KLF8: variants seen among roughly 807,000 people sequenced by gnomAD.
The protein encoded by KLF8 is Krueppel-like factor 8.
Under a neutral mutation model 18.2 loss-of-function variants are expected in KLF8, and 10 were observed. The ratio of observed to expected loss-of-function variants is 0.55; its 90% confidence interval spans 0.34 to 0.93. The LOEUF (loss-of-function observed/expected upper bound fraction) is 0.93, where lower values mean the gene tolerates loss of function less well. KLF8 is among the 40% of genes least tolerant of loss of function. KLF8 has a pLI of 0.02. For synonymous variants in KLF8, 109 were observed against 97.3 expected (o/e 1.12, Z -0.71); for missense variants, 264 against 277.9 (o/e 0.95, Z 0.36).
At chrX:56,012,041 C>A in the KLF8 span, among the ~76,000 whole-genome samples, 1 of 111,749 alleles carries the variant, frequency 8.9e-6, no homozygotes, top group Admixed American at 9.5e-5. Context: ...GGAGCTGGTA[C>A]CGTTTCTTCT....
At chrX:56,177,600 G>A in the KLF8 span, among the ~76,000 whole-genome samples, 1 of 111,455 alleles carries the variant, frequency 9.0e-6, no homozygotes, top group Admixed American at 9.6e-5. Flanking sequence ...CCAGCTGTGT[G>A]CTGGGAGAAC....
At chrX:56,046,647 G>A in the KLF8 span, among the ~76,000 whole-genome samples, 4 of 109,356 alleles carry the variant, frequency 3.7e-5, no homozygotes, top group Admixed American at 2.9e-4. Flanking sequence ...ATGAAGCTTT[G>A]TTTCACTGGA....
chrX:56,208,502 A>G, the KLF8 span, among the ~76,000 whole-genome samples: 4 of 110,052 alleles, frequency 3.6e-5, no homozygotes, highest in Admixed American at 2.9e-4. Context: ...TTTTTTTTCT[A>G]CTAAGTTCTG....
the KLF8 span, among the ~76,000 whole-genome samples, chrX:56,019,025 T>C: frequency 8.9e-6 from 1 of 112,143 alleles, no homozygotes; most frequent in African/African-American, 3.2e-5. Context: ...TTTTAGGCTC[T>C]GACAGCCTTT....
chrX:55,963,562 T>TAA, the KLF8 span, among the ~76,000 whole-genome samples: 1,198 of 109,593 alleles, frequency 0.011, 17 homozygotes, highest in African/African-American at 0.038. Context: ...CCTCTGAAAA[T>TAA]AAAAAAAAAT....
At chrX:55,990,980 T>C in the KLF8 span, among the ~76,000 whole-genome samples, 2 of 112,464 alleles carry the variant, frequency 1.8e-5, no homozygotes, top group Admixed American at 9.3e-5. Context: ...CTGTCCATTC[T>C]CAGATCTCCA....
At chrX:55,996,489 A>G in the KLF8 span, among the ~76,000 whole-genome samples, 1 of 111,767 alleles carries the variant, frequency 8.9e-6, no homozygotes. Flanking sequence ...TCTGTGTGGG[A>G]TGATGTTCCT....
the KLF8 span, among the ~76,000 whole-genome samples, chrX:55,971,849 C>G: frequency 9.0e-6 from 1 of 111,205 alleles, no homozygotes; most frequent in African/African-American, 3.3e-5. Context: ...CAAATCAAAA[C>G]TATAATGAGG....
chrX:55,911,068 T>G, the KLF8 span, among the ~76,000 whole-genome samples: 40 of 112,189 alleles, frequency 3.6e-4, no homozygotes, highest in African/African-American at 1.2e-3. Flanking sequence ...ATATACATTT[T>G]GTAAGTTATA....
the KLF8 span, among the ~76,000 whole-genome samples, chrX:56,165,012 T>G: frequency 1.1e-5 from 1 of 94,643 alleles, no homozygotes; most frequent in African/African-American, 3.9e-5. Context: ...GTTTGGTTTT[T>G]TGTTCTTGCG....
At chrX:55,971,492 A>T in the KLF8 span, among the ~76,000 whole-genome samples, 1 of 111,332 alleles carries the variant, frequency 9.0e-6, no homozygotes, top group Non-Finnish European at 1.9e-5. Context: ...TCCCCAGAAC[A>T]TTAGAGTGGC....
At chrX:56,046,969 T>C in the KLF8 span, among the ~76,000 whole-genome samples, 1 of 111,929 alleles carries the variant, frequency 8.9e-6, no homozygotes, top group South Asian at 3.7e-4. Flanking sequence ...TCCAAACTTT[T>C]AGATTTCTCT....
chrX:56,189,670 C>G, the KLF8 span, among the ~76,000 whole-genome samples: 1 of 110,303 alleles, frequency 9.1e-6, no homozygotes, highest in South Asian at 3.9e-4. Context: ...CACATATACA[C>G]CATGGAATAC....
the KLF8 span, among the ~76,000 whole-genome samples, chrX:56,171,943 G>A: frequency 4.5e-5 from 5 of 111,156 alleles, no homozygotes; most frequent in African/African-American, 1.3e-4. Flanking sequence ...TTGAGGAATC[G>A]CCACACTATC....
At chrX:56,036,835 A>G in the KLF8 span, among the ~76,000 whole-genome samples, 1 of 111,360 alleles carries the variant, frequency 9.0e-6, no homozygotes, top group Admixed American at 9.5e-5. Flanking sequence ...CATTTTTTGT[A>G]TCTTCTTCAT....
At chrX:55,938,963 C>G in the KLF8 span, among the ~76,000 whole-genome samples, 2 of 111,935 alleles carry the variant, frequency 1.8e-5, no homozygotes, top group East Asian at 5.6e-4. Flanking sequence ...TTAGAAAGAT[C>G]AATGAGACAG....
the KLF8 span, among the ~76,000 whole-genome samples, chrX:56,042,538 ATATT>A: frequency 8.9e-6 from 1 of 112,047 alleles, no homozygotes; most frequent in East Asian, 2.8e-4. Context: ...GTGGGCATAT[ATATT>A]TAGAATAATT....
At chrX:55,987,957 A>G in the KLF8 span, among the ~76,000 whole-genome samples, 1 of 112,396 alleles carries the variant, frequency 8.9e-6, no homozygotes, top group East Asian at 2.8e-4. Context: ...GCCAGTGATG[A>G]TGAGCATTTT....
At chrX:56,175,503 T>A in the KLF8 span, among the ~76,000 whole-genome samples, 2 of 111,329 alleles carry the variant, frequency 1.8e-5, no homozygotes, top group African/African-American at 3.3e-5. Flanking sequence ...TGCTGAGGAG[T>A]GCTTTACTTC....
Sources: allele counts gnomAD v4.1 joint callset (sites outside exome capture counted in the v4.1 genomes callset), GRCh38; gene constraint gnomAD v4.1.1; transcripts MANE v1.5; gene names NCBI Gene and HGNC (gene_info 2026-07-23, HGNC 2026-07-21).